Variants in ATF7 observed in about 807,000 individuals in gnomAD.
ATF7 encodes activating transcription factor 7, also known as cyclic AMP-dependent transcription factor ATF-7.
A neutral mutation model predicts 50.4 loss-of-function variants in ATF7; 10 were observed. The observed-to-expected ratio is 0.20, with a 90% CI of 0.12 to 0.34. The LOEUF is 0.34. Ranked by LOEUF, ATF7 falls within the 10% of genes least tolerant of loss-of-function variation. The pLI is 1.00. For missense variants in ATF7, 465 were observed against 613.9 expected (o/e 0.76, Z 2.56); for synonymous variants, 201 against 226.4 (o/e 0.89, Z 1.01).
At chr12:53,587,836 TATATA>T (rs1405415634) in intron 2 of ATF7, among the ~76,000 whole-genome samples, 1 of 49,058 alleles carries the variant, frequency 2.0e-5, no homozygotes, top group East Asian at 2.0e-3. Flanking sequence ...TATATATATA[TATATA>T]TATTTTTTTT....
At chr12:53,548,773 A>G (rs577938087) in intron 3 of ATF7, among the ~76,000 whole-genome samples, 2 of 152,236 alleles carry the variant, frequency 1.3e-5, no homozygotes, top group East Asian at 3.9e-4. Context: ...GCCTGAGGCA[A>G]GGAGTTCAAG....
At chr12:53,567,251 T>C (rs554466143) in intron 2 of ATF7, among the ~76,000 whole-genome samples, 5 of 152,374 alleles carry the variant, frequency 3.3e-5, no homozygotes, top group Admixed American at 3.3e-4. Flanking sequence ...CTGTTTTCTT[T>C]TTCACATAAT....
At chr12:53,559,948 G>A (rs554267398) in intron 2 of ATF7, among the ~76,000 whole-genome samples, 51 of 152,086 alleles carry the variant, frequency 3.4e-4, no homozygotes, top group Non-Finnish European at 8.8e-5. Flanking sequence ...TTGAGATGGA[G>A]TTTCGCTCTT....
At chr12:53,625,340 A>G (rs934926443) in intron 1 of ATF7, among the ~76,000 whole-genome samples, 15 of 152,050 alleles carry the variant, frequency 9.9e-5, no homozygotes, top group African/African-American at 3.6e-4. Context: ...CTCCTTCTCA[A>G]CCCCCATCCC....
At chr12:53,549,286 CA>C (rs1266408716) in intron 3 of ATF7, among the ~76,000 whole-genome samples, 52 of 46,956 alleles carry the variant, frequency 1.1e-3, no homozygotes, top group African/African-American at 2.4e-3. Context: ...GACTCCGTCT[CA>C]AAAAAAAAAA....
chr12:53,562,368 G>A (rs1417524164), intron 2 of ATF7, among the ~76,000 whole-genome samples: 4 of 152,172 alleles, frequency 2.6e-5, no homozygotes, highest in Non-Finnish European at 4.4e-5. Context: ...GGCCGGGCAC[G>A]GTGGCTCACG....
intron 2 of ATF7, among the ~76,000 whole-genome samples, chr12:53,582,197 C>T (rs146507313): frequency 0.011 from 1,623 of 151,748 alleles, 31 homozygotes; most frequent in African/African-American, 0.037. Context: ...AGCATGGTGG[C>T]GCGCGCCTGT....
chr12:53,527,266 C>G (rs1398223428), intron 9 of ATF7, among the ~76,000 whole-genome samples: 2 of 150,964 alleles, frequency 1.3e-5, no homozygotes, highest in African/African-American at 4.9e-5. Flanking sequence ...GGGAGGATCA[C>G]TGGAGCCCAG....
At chr12:53,566,212 C>A (rs1456927513) in intron 2 of ATF7, among the ~76,000 whole-genome samples, 1 of 152,152 alleles carries the variant, frequency 6.6e-6, no homozygotes, top group African/African-American at 2.4e-5. Flanking sequence ...CAGCTATAAA[C>A]TATAAACTAT....
chr12:53,598,499 A>G (rs1212444690), intron 2 of ATF7, among the ~76,000 whole-genome samples: 1 of 152,242 alleles, frequency 6.6e-6, no homozygotes, highest in Non-Finnish European at 1.5e-5. Flanking sequence ...CAAAATACCA[A>G]CAAATAATTC....
chr12:53,579,049 C>T (rs969426314), intron 2 of ATF7, among the ~76,000 whole-genome samples: 7 of 152,024 alleles, frequency 4.6e-5, no homozygotes, highest in African/African-American at 1.7e-4. Flanking sequence ...TCGAGACCAG[C>T]CTGGCCAACA....
intron 2 of ATF7, among the ~76,000 whole-genome samples, chr12:53,580,912 G>C (rs1291471183): frequency 1.3e-5 from 2 of 151,750 alleles, no homozygotes; most frequent in Non-Finnish European, 2.9e-5. Flanking sequence ...AGGAGTTCGA[G>C]ACCAGCCTGG....
At chr12:53,542,544 A>G (rs1348470527) in intron 4 of ATF7, among the ~76,000 whole-genome samples, 4 of 152,124 alleles carry the variant, frequency 2.6e-5, no homozygotes, top group Non-Finnish European at 4.4e-5. Context: ...TTCCTGCTTC[A>G]GCCTCCCGAG....
intron 1 of ATF7, among the ~76,000 whole-genome samples, chr12:53,601,962 GA>G (rs1296846410): frequency 1.3e-5 from 2 of 152,128 alleles, no homozygotes; most frequent in Non-Finnish European, 2.9e-5. Context: ...CTTTGTTGAA[GA>G]ACAATAATTC....
chr12:53,533,408 G>C, intron 6 of ATF7, 149 bp from the exon 7 acceptor site: 1 of 619,012 alleles, frequency 1.6e-6, no homozygotes, highest in East Asian at 2.9e-5. Flanking sequence ...ATGAAGGTGA[G>C]AAGGCAGGGA....
intron 11 of ATF7, among the ~76,000 whole-genome samples, chr12:53,520,620 T>C (rs563920543): frequency 6.6e-6 from 1 of 152,202 alleles, no homozygotes; most frequent in Admixed American, 6.6e-5. Context: ...TACAAATCCA[T>C]ATAACCAACT....
At chr12:53,574,808 C>T (rs1019499989) in intron 2 of ATF7, 2 of 256,026 alleles carry the variant, frequency 7.8e-6, no homozygotes, top group South Asian at 4.7e-5. Context: ...AAGAGCCTAG[C>T]CAGGCCCAAA....
intron 2 of ATF7, among the ~76,000 whole-genome samples, chr12:53,560,297 T>C (rs1941026254): frequency 6.6e-6 from 1 of 152,020 alleles, no homozygotes; most frequent in South Asian, 2.1e-4. Flanking sequence ...TGCAGGATAA[T>C]TCTAAACAAG....
At chr12:53,616,876 C>T (rs1015789788) in intron 1 of ATF7, among the ~76,000 whole-genome samples, 15 of 139,434 alleles carry the variant, frequency 1.1e-4, no homozygotes, top group African/African-American at 2.4e-4. Flanking sequence ...ACCTGGGAGG[C>T]GGAGATTGCA....
Sources: allele counts gnomAD v4.1 joint callset (sites outside exome capture counted in the v4.1 genomes callset), GRCh38; gene constraint gnomAD v4.1.1; transcripts MANE v1.5; gene names NCBI Gene and HGNC (gene_info 2026-07-23, HGNC 2026-07-21).